The following GIPC2 variants were observed in gnomAD, a reference collection of about 807,000 sequenced individuals.
GIPC2 encodes PDZ domain-containing protein GIPC2.
A neutral mutation model predicts 30.6 loss-of-function variants in GIPC2; 30 were observed. That is an observed-to-expected ratio of 0.98 (90% CI 0.73 to 1.33). The LOEUF is 1.33. Ranked by LOEUF, GIPC2 falls within the 40% of genes most tolerant of loss-of-function variation. The pLI is 0.00. For synonymous variants in GIPC2, 167 were observed against 150.0 expected, an observed-to-expected ratio of 1.11 and a Z score of -0.83; for missense variants, 414 against 390.3, an observed-to-expected ratio of 1.06 and a Z score of -0.51.
intron 5 of GIPC2, among the ~76,000 whole-genome samples, chr1:78,131,526 A>T (rs1662898322): frequency 6.6e-6 from 1 of 152,152 alleles, no homozygotes; most frequent in South Asian, 2.1e-4. Context: ...CAGGTTTATT[A>T]TTGCAGTATA....
At chr1:78,109,485 A>G (rs553704860) in intron 3 of GIPC2, among the ~76,000 whole-genome samples, 1 of 152,288 alleles carries the variant, frequency 6.6e-6, no homozygotes, top group African/African-American at 2.4e-5. Context: ...AGCTCTGCCC[A>G]CTTACCTGGT....
chr1:78,124,978 A>T (rs2100438787), intron 4 of GIPC2, among the ~76,000 whole-genome samples: 1 of 150,778 alleles, frequency 6.6e-6, no homozygotes, highest in East Asian at 1.9e-4. Flanking sequence ...CTCTGTCTCA[A>T]ACAAAACAAA....
intron 3 of GIPC2, among the ~76,000 whole-genome samples, chr1:78,117,105 A>G (rs567014834): frequency 6.6e-6 from 1 of 152,364 alleles, no homozygotes; most frequent in South Asian, 2.1e-4. Flanking sequence ...TCATCTGACA[A>G]AGGGCTAATA....
At chr1:78,082,400 C>G (rs565056828) in intron 2 of GIPC2, among the ~76,000 whole-genome samples, 3 of 152,156 alleles carry the variant, frequency 2.0e-5, no homozygotes, top group Non-Finnish European at 4.4e-5. Context: ...ATGGGACTTT[C>G]GCTACCCACT....
Position 78,099,473 on chromosome 1 carries a change from C to T in GIPC2, c.607+4341C>T, listed in dbSNP as rs1222293472. On this transcript the variant is annotated intron_variant, in intron 3 of 5. Transcript: ENST00000370759. ...TTTTTTTTTGAGACGGAGTTTTGCT[C>T]TGTTGCCCGGGATGGAGTACAGTGG... Among the ~76,000 whole-genome samples, 6 of 147,128 alleles carry T rather than the reference C, an allele frequency of 4.1e-5. 1 individual carries two copies. The highest frequency in any genetic ancestry group is 1.0e-4 in the African/African-American group (4 of 39,454).
At chr1:78,107,656 C>T (rs995230789) in intron 3 of GIPC2, among the ~76,000 whole-genome samples, 1 of 151,646 alleles carries the variant, frequency 6.6e-6, no homozygotes, top group South Asian at 2.1e-4. Context: ...GAAACCCCAT[C>T]TCTTCTAAAA....
At chr1:78,080,924 C>A in intron 2 of GIPC2, 64 bp downstream of exon 2, 1 of 926,868 alleles carries the variant, frequency 1.1e-6, no homozygotes. Flanking sequence ...TCTACCAGGC[C>A]AAAGAAAGTT....
chr1:78,099,488 G>A (rs1244966646), intron 3 of GIPC2, among the ~76,000 whole-genome samples: 2 of 150,488 alleles, frequency 1.3e-5, no homozygotes, highest in Non-Finnish European at 2.9e-5. Flanking sequence ...GCCCGGGATG[G>A]AGTACAGTGG....
Position 78,046,343 on chromosome 1 carries a change from C to T in GIPC2, c.240+9C>T. On this transcript the variant is annotated intron_variant, in intron 1 of 5. Transcript: ENST00000370759. Reference sequence around the variant, plus strand: ...AAATCTCGCCGTCGGAGGTAAGGCGCCAGGTGCTCAGGCTCTCCCGCCTCT... The same window carrying T: ...AAATCTCGCCGTCGGAGGTAAGGCGTCAGGTGCTCAGGCTCTCCCGCCTCT... The T allele has an allele frequency of 6.2e-7, 1 of 1,605,020 alleles. No homozygotes were observed. The highest frequency in any genetic ancestry group is 1.1e-5 in the South Asian group (1 of 90,454).
At chr1:78,046,436 C>A (rs1381207327) in intron 1 of GIPC2, 102 bp downstream of exon 1, 3 of 1,101,178 alleles carry the variant, frequency 2.7e-6, no homozygotes, top group African/African-American at 1.6e-5. Flanking sequence ...TTTCCCGGAG[C>A]GCGAAATCCG....
intron 4 of GIPC2, among the ~76,000 whole-genome samples, chr1:78,121,274 G>A (rs546531240): frequency 1.4e-4 from 22 of 152,296 alleles, no homozygotes; most frequent in Admixed American, 2.6e-4. Flanking sequence ...AAGCCCTCCC[G>A]TGGGCAGATG....
chr1:78,107,588 G>A (rs1046715162), intron 3 of GIPC2, among the ~76,000 whole-genome samples: 2 of 152,072 alleles, frequency 1.3e-5, no homozygotes, highest in Non-Finnish European at 2.9e-5. Context: ...ACTTTGGGAG[G>A]CTGGGGCAAG....
At chr1:78,087,225 G>A (rs1661946563) in intron 2 of GIPC2, among the ~76,000 whole-genome samples, 2 of 152,012 alleles carry the variant, frequency 1.3e-5, no homozygotes, top group Non-Finnish European at 2.9e-5. Flanking sequence ...ATTCTTCACA[G>A]AACTATAAAA....
At chr1:78,132,678 T>TGTGTGTGTGTGC (rs1160511807) in intron 5 of GIPC2, among the ~76,000 whole-genome samples, 1 of 150,426 alleles carries the variant, frequency 6.6e-6, no homozygotes, top group Non-Finnish European at 1.5e-5. Flanking sequence ...TGTGTGTGTG[T>TGTGTGTGTGTGC]GTGTGTGTGT....
At chr1:78,130,126 CAG>C (rs1662864955) in intron 5 of GIPC2, among the ~76,000 whole-genome samples, 1 of 128,276 alleles carries the variant, frequency 7.8e-6, no homozygotes, top group Non-Finnish European at 1.6e-5. Flanking sequence ...TTTTTTCAGA[CAG>C]AGTCTTGCTC....
At position 78,080,789 on chromosome 1, in the gene GIPC2, A is replaced by C; in HGVS notation, c.355A>C (p.Asn119His). ...TGTGAAAGGAATCGAAAAAGAAGTG[A>C]ATGTGTATAAATCTGAGGATTCACT... is the stretch of plus-strand genomic sequence containing the variant. ...AHVKGIEKEVNVYKSEDSLGL... is the reference protein window; with the variant it reads ...AHVKGIEKEVHVYKSEDSLGL... Residue 119 changes from asparagine to histidine, a missense_variant, in exon 2 of 6, where the codon AAT (asparagine) becomes CAT (histidine). Asn to His is a moderately conservative substitution (Grantham distance 68). Coordinates refer to ENST00000370759, the MANE Select transcript of GIPC2 (RefSeq NM_017655.6). The C allele has an allele frequency of 6.2e-7, 1 of 1,610,476 alleles. No homozygotes were observed. The highest frequency in any genetic ancestry group is 8.5e-7 in the Non-Finnish European group (1 of 1,176,800).
chr1:78,101,261 C>T (rs1420679550), intron 3 of GIPC2, among the ~76,000 whole-genome samples: 1 of 152,078 alleles, frequency 6.6e-6, no homozygotes, highest in Non-Finnish European at 1.5e-5. Flanking sequence ...AGCAGATGTT[C>T]CATTGCACTT....
intron 2 of GIPC2, among the ~76,000 whole-genome samples, chr1:78,088,139 C>T (rs1450253253): frequency 6.6e-6 from 1 of 152,180 alleles, no homozygotes; most frequent in African/African-American, 2.4e-5. Flanking sequence ...AGGGAACCCT[C>T]ATACACTGTT....
chr1:78,087,038 C>A (rs1661941404), intron 2 of GIPC2, among the ~76,000 whole-genome samples: 1 of 152,056 alleles, frequency 6.6e-6, no homozygotes, highest in Non-Finnish European at 1.5e-5. Context: ...TAACACTGGT[C>A]TATGTGTAAG....
Sources: allele counts gnomAD v4.1 joint callset (sites outside exome capture counted in the v4.1 genomes callset), GRCh38; gene constraint gnomAD v4.1.1; transcripts MANE v1.5; gene names NCBI Gene and HGNC (gene_info 2026-07-23, HGNC 2026-07-21).